The following ERC1 variants were observed in gnomAD, a reference collection of about 807,000 sequenced individuals.
ERC1 encodes ELKS/RAB6-interacting/CAST family member 1, also known as RAB6 interacting protein 2.
ERC1 carries 56 observed loss-of-function variants against 132.0 expected under a neutral mutation model. The ratio of observed to expected loss-of-function variants is 0.42; its 90% CI spans 0.34 to 0.53. ERC1 has a LOEUF of 0.53. ERC1 is among the 20% of genes least tolerant of loss of function. The pLI is 0.03. For synonymous variants in ERC1, 478 were observed against 476.1 expected (o/e 1.00, Z -0.05); for missense variants, 1,202 against 1,349.9 (o/e 0.89, Z 1.72).
At chr12:1,272,145 G>A (rs562640902) in intron 14 of ERC1, among the ~76,000 whole-genome samples, 2 of 152,190 alleles carry the variant, frequency 1.3e-5, no homozygotes, top group Non-Finnish European at 2.9e-5. Flanking sequence ...AGTTCCCCGA[G>A]CTGTAAAAGA....
intron 12 of ERC1, among the ~76,000 whole-genome samples, chr12:1,232,618 T>C (rs1252627822): frequency 6.6e-6 from 1 of 152,126 alleles, no homozygotes; most frequent in Non-Finnish European, 1.5e-5. Context: ...CAGTTGTCAG[T>C]GTATTCTTCA....
intron 12 of ERC1, among the ~76,000 whole-genome samples, chr12:1,213,638 G>A (rs1250022682): frequency 6.6e-6 from 1 of 151,568 alleles, no homozygotes; most frequent in Non-Finnish European, 1.5e-5. Context: ...TTGGGAGGCT[G>A]AGGCAGGAGA....
chr12:1,362,873 A>C (rs192500243), intron 15 of ERC1, among the ~76,000 whole-genome samples: 1 of 152,324 alleles, frequency 6.6e-6, no homozygotes, highest in African/African-American at 2.4e-5. Flanking sequence ...ATTTTATGTT[A>C]TCTGTATTTG....
At chr12:1,151,260 G>C (rs956666141) in intron 8 of ERC1, among the ~76,000 whole-genome samples, 4 of 152,152 alleles carry the variant, frequency 2.6e-5, no homozygotes, top group African/African-American at 9.7e-5. Context: ...CTTCAGTGGG[G>C]GAGATCAGGG....
At chr12:1,419,352 A>G (rs1006040625) in intron 17 of ERC1, among the ~76,000 whole-genome samples, 2 of 151,858 alleles carry the variant, frequency 1.3e-5, no homozygotes, top group African/African-American at 2.4e-5. Flanking sequence ...TTTTTCTCCA[A>G]AATTATACGT....
intron 2 of ERC1, among the ~76,000 whole-genome samples, chr12:1,057,374 T>C (rs1161244100): frequency 6.6e-6 from 1 of 152,094 alleles, no homozygotes; most frequent in African/African-American, 2.4e-5. Context: ...TCCATCTTCC[T>C]TGGCCTCCTG....
At chr12:1,196,605 C>T (rs1438621931) in intron 12 of ERC1, among the ~76,000 whole-genome samples, 2 of 151,282 alleles carry the variant, frequency 1.3e-5, no homozygotes, top group Non-Finnish European at 2.9e-5. Flanking sequence ...GCGATCCTCC[C>T]ACCTCCGTGT....
In ERC1 at chr12:1,066,321, G is replaced by C. The variant is rs574790095; in HGVS notation, c.670-16843G>C. 8.5e-5 allele frequency among the ~76,000 whole-genome samples: 13 copies of C among 152,326 alleles called. No homozygotes were observed. In the East Asian group the frequency reaches 2.5e-3, roughly 29 times the overall value. On this transcript the variant is annotated intron_variant, in intron 2 of 18. Transcript: ENST00000360905. Reference sequence around the variant, plus strand: ...TATATTGATTCTAAGCCTTATGTCAGCATTGCAAGATAGATTAGGAAGAAC... The same window carrying C: ...TATATTGATTCTAAGCCTTATGTCACCATTGCAAGATAGATTAGGAAGAAC...
At chr12:1,225,335 A>C (rs148799972) in intron 12 of ERC1, among the ~76,000 whole-genome samples, 299 of 151,804 alleles carry the variant, frequency 2.0e-3, no homozygotes, top group Non-Finnish European at 3.5e-3. Flanking sequence ...CTATAGTCCC[A>C]GCTACTTGGG....
At chr12:1,484,394 A>C (rs1301641622) in intron 18 of ERC1, among the ~76,000 whole-genome samples, 1 of 152,162 alleles carries the variant, frequency 6.6e-6, no homozygotes, top group Non-Finnish European at 1.5e-5. Context: ...GTTTCTGTTG[A>C]ACATACTCTA....
chr12:1,155,116 A>G (rs1055612077), intron 8 of ERC1, among the ~76,000 whole-genome samples: 2 of 152,146 alleles, frequency 1.3e-5, no homozygotes, highest in African/African-American at 4.8e-5. Flanking sequence ...TCAGGAGTTC[A>G]AGACAAACCT....
intron 15 of ERC1, among the ~76,000 whole-genome samples, chr12:1,339,986 T>C (rs534466248): frequency 1.3e-5 from 2 of 152,242 alleles, no homozygotes; most frequent in South Asian, 4.1e-4. Context: ...CGTACACATG[T>C]GCTGGCAAAG....
intron 18 of ERC1, among the ~76,000 whole-genome samples, chr12:1,463,723 G>GTGTGTGTGTC (rs1555113164): frequency 6.6e-6 from 1 of 151,878 alleles, no homozygotes; most frequent in East Asian, 1.9e-4. Context: ...GTGTGTGTGT[G>GTGTGTGTGTC]TGTGTGTGTC....
chr12:1,489,269 ACTCTAGTCAG>A (rs1420904629), intron 18 of ERC1, among the ~76,000 whole-genome samples: 1 of 151,970 alleles, frequency 6.6e-6, no homozygotes, highest in Non-Finnish European at 1.5e-5. Flanking sequence ...TCCCAGACGG[ACTCTAGTCAG>A]CTCTGAAGAT....
At chr12:1,399,633 A>G (rs1395615089) in intron 16 of ERC1, among the ~76,000 whole-genome samples, 1 of 152,198 alleles carries the variant, frequency 6.6e-6, no homozygotes, top group Non-Finnish European at 1.5e-5. Flanking sequence ...ATATAAGTGA[A>G]ATAATATACT....
chr12:1,021,499 A>T (rs1035981488), intron 1 of ERC1, among the ~76,000 whole-genome samples: 3 of 151,696 alleles, frequency 2.0e-5, no homozygotes, highest in Non-Finnish European at 4.4e-5. Flanking sequence ...GGAGATCGAG[A>T]CCATCCTGGC....
At chr12:1,227,391 TCA>T in intron 12 of ERC1, among the ~76,000 whole-genome samples, 1 of 152,352 alleles carries the variant, frequency 6.6e-6, no homozygotes, top group Non-Finnish European at 1.5e-5. Context: ...GAGCGTATTT[TCA>T]CATTTAGCTA....
chr12:1,036,836 C>T (rs904313039), intron 2 of ERC1, among the ~76,000 whole-genome samples: 1 of 152,088 alleles, frequency 6.6e-6, no homozygotes, highest in African/African-American at 2.4e-5. Context: ...GTTTATTGCC[C>T]AGATAAGTTT....
rs1952407927 is a variant in ERC1, at chr12:1,166,169, T to TTCCCATGTATTGTGCGAGGG, written c.1738-14371_1738-14370insTCCCATGTATTGTGCGAGGG. ...ACCCATATCTCATCTTGAATTGTAATAACCACAGTTCCCATGTATTGTGCG... is the reference window on the plus strand; with the variant it reads ...ACCCATATCTCATCTTGAATTGTAATTCCCATGTATTGTGCGAGGGAACCACAGTTCCCATGTATTGTGCG... On this transcript the variant is annotated intron_variant, in intron 8 of 18. Transcript: ENST00000360905. 2.6e-5 allele frequency among the ~76,000 whole-genome samples: 4 copies of TTCCCATGTATTGTGCGAGGG among 152,336 alleles called. No homozygotes were observed. The East Asian group carries it at 5.8e-4, about 22-fold the overall frequency.
Sources: gnomAD v4.1 joint callset for allele counts (sites outside exome capture counted in the v4.1 genomes callset) on GRCh38, gnomAD v4.1.1 for gene constraint, MANE v1.5 for transcripts, NCBI Gene and HGNC (gene_info 2026-07-23, HGNC 2026-07-21) for gene names.